The following WNK1 variants were observed in gnomAD, a reference collection of about 807,000 sequenced individuals.
WNK1 encodes the protein WNK lysine deficient protein kinase 1.
Under a neutral mutation model 222.8 loss-of-function variants are expected in WNK1, and 38 were observed. The ratio of observed to expected loss-of-function variants is 0.17; its 90% CI spans 0.13 to 0.22. The LOEUF (loss-of-function observed/expected upper bound fraction) is 0.22, where lower values mean the gene tolerates loss of function less well. Among genes scored for constraint, WNK1 ranks in the 10% least tolerant of loss-of-function variants. WNK1 has a pLI of 1.00. For missense variants in WNK1, 2,348 were observed against 2,918.4 expected, an observed-to-expected ratio of 0.80 and a Z score of 4.50; for synonymous variants, 1,090 against 1,092.9, an observed-to-expected ratio of 1.00 and a Z score of 0.05.
chr12:871,957 T>A (rs1952191374), intron 9 of WNK1, among the ~76,000 whole-genome samples: 1 of 152,184 alleles, frequency 6.6e-6, no homozygotes, highest in Non-Finnish European at 1.5e-5. Flanking sequence ...TTTCTCTTTT[T>A]TTCCACTGCT....
intron 4 of WNK1, among the ~76,000 whole-genome samples, chr12:854,596 C>T (rs1362108070): frequency 1.3e-5 from 2 of 152,038 alleles, no homozygotes; most frequent in Admixed American, 1.3e-4. Flanking sequence ...GATCCACCTG[C>T]CTCGGCCTCC....
At chr12:855,801 T>A (rs921292662) in intron 4 of WNK1, among the ~76,000 whole-genome samples, 1 of 152,116 alleles carries the variant, frequency 6.6e-6, no homozygotes, top group African/African-American at 2.4e-5. Context: ...TTCTTACATC[T>A]TATGTATATT....
In WNK1 at chr12:904,497, A is replaced by G. The variant is rs369913657; in HGVS notation, c.6644-3350A>G. On this transcript the variant is annotated intron_variant, in intron 26 of 27. Transcript: ENST00000315939. ...CTGTCCTTGCAACCAGCTCTGTAGT[A>G]ATTATCTTTTCTGTTATTTTTGGTC... is the stretch of plus-strand genomic sequence containing the variant. 8 of 1,289,046 alleles carry G rather than the reference A, an allele frequency of 6.2e-6. No homozygotes were observed. The East Asian group carries it at 3.9e-4, about 63-fold the overall frequency. The allele number at this position is 1,289,046 out of a possible 1,614,324, so 79.9% of individuals were successfully genotyped here.
chr12:836,661 A>C (rs780785630), intron 4 of WNK1, among the ~76,000 whole-genome samples: 10 of 152,230 alleles, frequency 6.6e-5, no homozygotes, highest in Non-Finnish European at 1.3e-4. Context: ...ATAGATGGCA[A>C]ATTATTCTGT....
At chr12:811,412 T>C (rs1300524047) in intron 1 of WNK1, among the ~76,000 whole-genome samples, 1 of 152,198 alleles carries the variant, frequency 6.6e-6, no homozygotes, top group Non-Finnish European at 1.5e-5. Flanking sequence ...CATTGAAACA[T>C]GAGCTTTGAA....
chr12:781,100 T>TAAC lies in WNK1; in HGVS notation c.759+26797_759+26799dup, dbSNP rs67262306. The TAAC allele has an allele frequency of 3.5e-3, 538 of 153,790 alleles. 3 individuals carry two copies. The highest frequency in any genetic ancestry group is 7.2e-3 in the East Asian group (38 of 5,286). The allele number at this position is 153,790 out of a possible 1,614,324, so 9.5% of individuals were successfully genotyped here. A position where few individuals can be genotyped will look rare whatever the true frequency, so the allele number is the denominator to read the frequency against. ...TGAGCTGTTTTTTGTTTTATTTCGT[T>TAAC]AACAACAACAACAACAACAACAAAA... On this transcript the variant is annotated intron_variant, in intron 1 of 27. Transcript: ENST00000315939.
At chr12:767,680 G>A (rs1263292757) in intron 1 of WNK1, among the ~76,000 whole-genome samples, 1 of 152,120 alleles carries the variant, frequency 6.6e-6, no homozygotes, top group African/African-American at 2.4e-5. Context: ...TCAGGGTGAG[G>A]GAAACTTTTC....
chr12:774,284 T>C (rs2153955666), intron 1 of WNK1, among the ~76,000 whole-genome samples: 1 of 152,356 alleles, frequency 6.6e-6, no homozygotes, highest in South Asian at 2.1e-4. Context: ...GTGAGTGTAT[T>C]GATCTTTTCT....
At chr12:824,689 A>G (rs1436949977) in intron 2 of WNK1, among the ~76,000 whole-genome samples, 1 of 147,932 alleles carries the variant, frequency 6.8e-6, no homozygotes, top group Non-Finnish European at 1.5e-5. Context: ...GAGAAGTAAT[A>G]TAAAGTTCAT....
Position 861,241 on chromosome 12 carries a change from T to C in WNK1, c.1849T>C (p.Ser617Pro). Residue 617 changes from serine (S) to proline (P), a missense_variant, in exon 7 of 28, where the codon TCT (serine) becomes CCT (proline). Coordinates refer to ENST00000315939, the MANE Select transcript of WNK1 (RefSeq NM_018979.4). Reference protein sequence around the residue: ...PSASTGIPTASTTSASVSTQV... With the variant: ...PSASTGIPTAPTTSASVSTQV... ...TGCTAGCACCGGCATACCTACTGCTTCTACCACTTCAGCTTCAGTTTCTAC... is the reference window on the plus strand; with the variant it reads ...TGCTAGCACCGGCATACCTACTGCTCCTACCACTTCAGCTTCAGTTTCTAC... The C allele has an allele frequency of 1.2e-6, 2 of 1,614,120 alleles. No homozygotes were observed. The highest frequency in any genetic ancestry group is 1.7e-6 in the Non-Finnish European group (2 of 1,180,008).
intron 2 of WNK1, 53 bp downstream of exon 2, chr12:813,867 T>G (rs1947106945): frequency 1.3e-6 from 2 of 1,583,698 alleles, no homozygotes; most frequent in Admixed American, 1.8e-5. Context: ...AGAATTTGAT[T>G]TTTTAAATTT....
At chr12:813,932 A>G (rs1947114738) in intron 2 of WNK1, 118 bp downstream of exon 2, 2 of 1,030,766 alleles carry the variant, frequency 1.9e-6, no homozygotes, top group Non-Finnish European at 2.9e-6. Context: ...CAGTCCTTCC[A>G]ACTGTTACTG....
At chr12:778,474 A>G (rs1199125824) in intron 1 of WNK1, among the ~76,000 whole-genome samples, 7 of 151,928 alleles carry the variant, frequency 4.6e-5, no homozygotes, top group Admixed American at 4.6e-4. Context: ...CTGGGATTAC[A>G]GGCATGCCAT....
intron 4 of WNK1, among the ~76,000 whole-genome samples, chr12:833,037 AGGGTCGACTGTTTATT>A (rs994982220): frequency 2.0e-5 from 3 of 149,854 alleles, no homozygotes; most frequent in Non-Finnish European, 4.4e-5. Context: ...CTTTGAGCAT[AGGGTCGACTGTTTATT>A]GGGTAATTTC....
At chr12:865,146 A>G in intron 8 of WNK1, 2 of 1,529,978 alleles carry the variant, frequency 1.3e-6, no homozygotes, top group African/African-American at 2.8e-5. Context: ...TTGTGTTCCC[A>G]TCTTTCTGCT....
intron 1 of WNK1, among the ~76,000 whole-genome samples, chr12:788,451 A>G (rs949063889): frequency 1.3e-5 from 2 of 152,194 alleles, no homozygotes; most frequent in African/African-American, 2.4e-5. Context: ...CATATTTCTA[A>G]AAGTTTGTGA....
intron 1 of WNK1, among the ~76,000 whole-genome samples, chr12:787,415 G>A (rs74450160): frequency 0.015 from 2,234 of 152,204 alleles, 58 homozygotes; most frequent in African/African-American, 0.051. Context: ...CCAAGCCCAC[G>A]TAGGTACCTA....
intron 2 of WNK1, among the ~76,000 whole-genome samples, chr12:823,709 A>G (rs1426041015): frequency 6.6e-6 from 1 of 152,134 alleles, no homozygotes; most frequent in Non-Finnish European, 1.5e-5. Context: ...AAGTTTTGGC[A>G]TAGGTACTAT....
chr12:874,003 C>T (rs1461280562), intron 9 of WNK1, among the ~76,000 whole-genome samples: 1 of 151,522 alleles, frequency 6.6e-6, no homozygotes, highest in Non-Finnish European at 1.5e-5. Flanking sequence ...AGCTTTGTGA[C>T]CACAAACAAA....
Sources: gnomAD v4.1 joint callset for allele counts (sites outside exome capture counted in the v4.1 genomes callset) on GRCh38, gnomAD v4.1.1 for gene constraint, MANE v1.5 for transcripts, NCBI Gene and HGNC (gene_info 2026-07-23, HGNC 2026-07-21) for gene names.